NLRP2: variants seen among roughly 807,000 people sequenced by gnomAD.
The protein encoded by NLRP2 is NACHT, LRR and PYD domains-containing protein 2.
A neutral mutation model predicts 97.2 loss-of-function variants in NLRP2; 107 were observed. The ratio of observed to expected loss-of-function variants is 1.10; its 90% CI spans 0.94 to 1.29. The LOEUF is 1.29. Ranked by LOEUF, NLRP2 falls within the 50% of genes most tolerant of loss-of-function variation. NLRP2 has a pLI of 0.00. For synonymous variants in NLRP2, 663 were observed against 551.5 expected, an observed-to-expected ratio of 1.20 and a Z score of -2.83; for missense variants, 1,495 against 1,330.3, an observed-to-expected ratio of 1.12 and a Z score of -1.93.
At chr19:54,999,287 A>G (rs147588406) in intron 12 of NLRP2, among the ~76,000 whole-genome samples, 3,477 of 152,294 alleles carry the variant, frequency 0.023, 143 homozygotes, top group African/African-American at 0.078. Flanking sequence ...AGCTGGGACT[A>G]CAGGCATGTG....
rs199711745 is a variant in NLRP2, at chr19:54,970,228, G to A, written c.213G>A (p.Ala71=). ...THCDSYWVEM[A]SLQVFEKMHR... is the part of the protein sequence containing the mutation. ...GTGACAGCTACTGGGTGGAGATGGCGAGCCTCCAGGTCTTTGAAAAGATGC... is the reference window on the plus strand; with the variant it reads ...GTGACAGCTACTGGGTGGAGATGGCAAGCCTCCAGGTCTTTGAAAAGATGC... Residue 71 remains alanine (A), a synonymous_variant, in exon 2 of 13, where the codon GCG becomes GCA. Coordinates refer to ENST00000448584, the MANE Select transcript of NLRP2 (RefSeq NM_017852.5). The A allele has an allele frequency of 8.1e-5, 130 of 1,614,200 alleles. No homozygotes were observed. The highest frequency in any genetic ancestry group is 9.7e-5 in the Non-Finnish European group (115 of 1,180,044).
intron 2 of NLRP2, among the ~76,000 whole-genome samples, chr19:54,972,179 T>A (rs2070903402): frequency 6.6e-6 from 1 of 150,948 alleles, no homozygotes; most frequent in Non-Finnish European, 1.5e-5. Flanking sequence ...TTCTACCCCA[T>A]AACTTTTTTT....
Position 54,990,154 on chromosome 19 carries a change from A to T in NLRP2, c.2499A>T (p.Thr833=). The T allele has an allele frequency of 1.9e-6, 3 of 1,614,080 alleles. No homozygotes were observed. Among genetic ancestry groups the T allele is most frequent in the Non-Finnish European group, 2.5e-6 (3 of 1,180,016 alleles). Residue 833 remains threonine, a synonymous_variant, in exon 9 of 13, where the codon ACA becomes ACT. Coordinates refer to ENST00000448584, the MANE Select transcript of NLRP2 (RefSeq NM_017852.5). The part of the protein sequence containing the change: ...LLDEGAKLLY[T]TLRHPKCFLQ... The stretch of plus-strand genomic sequence containing the variant: ...ATGAGGGTGCTAAGTTGCTGTACAC[A>T]ACTTTGAGACACCCCAAGTGCTTTC...
In NLRP2 at chr19:54,975,337, G is replaced by A. The variant is rs1432569250; in HGVS notation, c.325+793G>A. Among the ~76,000 whole-genome samples the A allele has an allele frequency of 1.2e-4, 17 of 143,012 alleles. 2 individuals are homozygous for A. Among genetic ancestry groups the A allele is most frequent in the African/African-American group, 4.3e-4 (16 of 37,414 alleles). The allele number at this position is 143,012 out of a possible 152,430, so 93.8% of individuals were successfully genotyped here. A position where few individuals can be genotyped will look rare whatever the true frequency, so the allele number is the denominator to read the frequency against. ...GGGTCTTGCTATGTTGCCCAGGCTG[G>A]CCTCGAATTACTAAACTCAATCAGT... On this transcript the variant is annotated intron_variant, in intron 3 of 12. Transcript: ENST00000448584.
rs1285371109 is a variant in NLRP2 at position 54,994,455 on chromosome 19, A to C, written c.2879+16A>C. The stretch of plus-strand genomic sequence containing the variant: ...GATGTCTGTGGTGAGTTAACTTATA[A>C]GTTCAACTTCCTATACTTACACCTT... On this transcript the variant is annotated intron_variant, in intron 11 of 12. Coordinates refer to ENST00000448584, the MANE Select transcript of NLRP2 (RefSeq NM_017852.5). 6.2e-7 allele frequency: 1 copy of C among 1,611,852 alleles called. No homozygotes were observed. The highest frequency in any genetic ancestry group is 8.5e-7 in the Non-Finnish European group (1 of 1,179,560).
intron 11 of NLRP2, among the ~76,000 whole-genome samples, chr19:54,996,931 G>A (rs1037041303): frequency 7.9e-5 from 12 of 151,946 alleles, no homozygotes; most frequent in Admixed American, 2.0e-4. Flanking sequence ...TTTTGAGACC[G>A]GAGTCTCACT....
At chr19:54,988,306 T>C (rs1031495382) in intron 8 of NLRP2, among the ~76,000 whole-genome samples, 1 of 152,152 alleles carries the variant, frequency 6.6e-6, no homozygotes, top group Non-Finnish European at 1.5e-5. Context: ...CTTTCTTTTT[T>C]TCTCAAGATA....
At chr19:54,974,167 A>T (rs1297460710) in intron 2 of NLRP2, 1 of 601,510 alleles carries the variant, frequency 1.7e-6, no homozygotes, top group East Asian at 3.5e-5. Context: ...CAGCCTGGCC[A>T]AAATGGTGAA....
intron 1 of NLRP2, among the ~76,000 whole-genome samples, 167 bp downstream of exon 1, chr19:54,966,634 C>T (rs1444304502): frequency 1.3e-5 from 2 of 152,086 alleles, no homozygotes; most frequent in African/African-American, 4.8e-5. Context: ...CAAGCTCCGC[C>T]TCCCGGGTTC....
At chr19:54,999,040 A>ACGGGGCGGCTGGCCGGGCGGGGGGCT (rs1423507575) in intron 12 of NLRP2, among the ~76,000 whole-genome samples, 1 of 150,426 alleles carries the variant, frequency 6.6e-6, no homozygotes, top group African/African-American at 2.5e-5. Flanking sequence ...TCCCTCCCGG[A>ACGGGGCGGCTGGCCGGGCGGGGGGCT]CAGGGCGGCT....
chr19:54,997,427 G>A lies in NLRP2; in HGVS notation c.2990G>A (p.Ser997Asn), dbSNP rs746119168. ...LDLGQNPLGS[S>N]GVKMLFETLT... is the part of the protein sequence containing the mutation. Reference sequence around the variant, plus strand: ...CTGGGTCAGAATCCCTTGGGGTCTAGTGGAGTGAAGATGCTGTTTGAAACC... The same window carrying A: ...CTGGGTCAGAATCCCTTGGGGTCTAATGGAGTGAAGATGCTGTTTGAAACC... Residue 997 changes from serine to asparagine, a missense_variant, in exon 12 of 13, where the codon AGT becomes AAT. Physicochemically the swap from Ser to Asn is conservative, Grantham distance 46. Coordinates refer to ENST00000448584, the MANE Select transcript of NLRP2 (RefSeq NM_017852.5). The A allele has an allele frequency of 1.2e-6, 2 of 1,614,114 alleles. No individual in the cohort carries two copies. The highest frequency in any genetic ancestry group is 2.2e-5 in the East Asian group (1 of 44,898).
chr19:54,974,607 T>C, intron 3 of NLRP2, 63 bp downstream of exon 3: 1 of 1,141,816 alleles, frequency 8.8e-7, no homozygotes, highest in Non-Finnish European at 1.3e-6. Flanking sequence ...GGCCTTTGTT[T>C]TAAGGAGAAT....
At chr19:54,999,333 G>C (rs1478691829) in intron 12 of NLRP2, among the ~76,000 whole-genome samples, 1 of 152,154 alleles carries the variant, frequency 6.6e-6, no homozygotes, top group East Asian at 1.9e-4. Context: ...TTTTAATAGA[G>C]ACAGGGTTTC....
intron 10 of NLRP2, among the ~76,000 whole-genome samples, chr19:54,991,924 AT>A (rs199627730): frequency 0.37 from 47,586 of 127,122 alleles, 9,014 homozygotes; most frequent in Middle Eastern, 0.5. Flanking sequence ...CATCTCTGGT[AT>A]TTTTTTTTTT....
In NLRP2 at chr19:54,992,471, C is replaced by T. The variant is rs984311005; in HGVS notation, c.2709-1798C>T. On this transcript the variant is annotated intron_variant, in intron 10 of 12. Transcript: ENST00000448584. ...GATGTCACCGACTCACTAACTGTAT[C>T]TTCAAATGAATGTCTAGTTTTTTTG... 3.6e-4 allele frequency among the ~76,000 whole-genome samples: 50 copies of T among 137,618 alleles called. No individual in the cohort carries two copies. In the Middle Eastern group the frequency reaches 0.013, roughly 37 times the overall value. 90.3% of individuals were successfully genotyped at this position (137,618 alleles called of 152,430 possible). A position where few individuals can be genotyped will look rare whatever the true frequency, so the allele number is the denominator to read the frequency against.
intron 11 of NLRP2, among the ~76,000 whole-genome samples, chr19:54,996,833 C>T (rs1048874891): frequency 3.9e-5 from 6 of 152,120 alleles, no homozygotes; most frequent in Non-Finnish European, 7.3e-5. Context: ...CAGTTATTCC[C>T]TGTACCCCTT....
chr19:54,970,512 G>A (rs1180861553), intron 2 of NLRP2, among the ~76,000 whole-genome samples: 2 of 151,990 alleles, frequency 1.3e-5, no homozygotes, highest in Non-Finnish European at 2.9e-5. Flanking sequence ...AAAATTTGCT[G>A]GACGTGGTGG....
At chr19:54,998,027 T>TTTC (rs1568545531) in intron 12 of NLRP2, among the ~76,000 whole-genome samples, 1 of 134,618 alleles carries the variant, frequency 7.4e-6, no homozygotes, top group African/African-American at 2.6e-5. Flanking sequence ...TTTTCTTTCT[T>TTTC]TTTTTTTTTT....
At position 54,982,376 on chromosome 19, in the gene NLRP2, A is replaced by G. The variant is rs1209751694; in HGVS notation, c.678A>G (p.Leu226=). 6.2e-7 allele frequency: 1 copy of G among 1,614,080 alleles called. No homozygotes were observed. Among genetic ancestry groups the G allele is most frequent in the Non-Finnish European group, 8.5e-7 (1 of 1,180,018 alleles). The change falls in exon 6 of 13, where the codon CTA becomes CTG. Residue 226 remains leucine (L), a synonymous_variant. Coordinates refer to ENST00000448584, the MANE Select transcript of NLRP2 (RefSeq NM_017852.5). ...GLGKTTLAQK[L]MLDWAEDNLI... ...GGAAAACCACGCTGGCCCAGAAACT[A>G]ATGCTAGACTGGGCAGAGGACAACC...
Sources: gnomAD v4.1 joint callset for allele counts (sites outside exome capture counted in the v4.1 genomes callset) on GRCh38, gnomAD v4.1.1 for gene constraint, MANE v1.5 for transcripts, NCBI Gene and HGNC (gene_info 2026-07-23, HGNC 2026-07-21) for gene names.